The following PCLAF variants were observed in gnomAD, a reference collection of about 807,000 sequenced individuals.
The protein encoded by PCLAF is PCNA-associated factor.
Under a neutral mutation model 15.1 loss-of-function variants are expected in PCLAF, and 12 were observed. That is an observed-to-expected ratio of 0.79 (90% confidence interval 0.51 to 1.29). The LOEUF is 1.29. Ranked by LOEUF, PCLAF falls within the 50% of genes most tolerant of loss-of-function variation. PCLAF has a pLI of 0.00. For missense variants in PCLAF, 116 were observed against 130.9 expected (o/e 0.89, Z 0.56); for synonymous variants, 33 against 47.1 (o/e 0.70, Z 1.22).
At chr15:64,368,214 G>A (rs549037764) in intron 3 of PCLAF, among the ~76,000 whole-genome samples, 5 of 151,942 alleles carry the variant, frequency 3.3e-5, no homozygotes, top group South Asian at 2.1e-4. Context: ...GCATGGTGAC[G>A]CGTGCCTGTA....
intron 3 of PCLAF, among the ~76,000 whole-genome samples, chr15:64,375,459 G>T (rs1899570101): frequency 6.6e-6 from 1 of 152,054 alleles, no homozygotes; most frequent in South Asian, 2.1e-4. Context: ...CACCCATGCT[G>T]GAGTACAGTG....
chr15:64,364,566 C>T lies in PCLAF; in HGVS notation c.*1464G>A, dbSNP rs1049320893. On this transcript the variant is annotated 3_prime_UTR_variant, in exon 4 of 4. Transcript: ENST00000300035. ...ACTTTAAAATTATATTTTATGATAG[C>T]GAATCAAATGCAAATCCTAGGAAAA... 4 of 151,918 alleles carry T rather than the reference C, an allele frequency of 2.6e-5. No homozygotes were observed. Among genetic ancestry groups the T allele is most frequent in the South Asian group, 2.1e-4 (1 of 4,820 alleles). The allele number at this position is 151,918 out of a possible 1,614,324, so 9.4% of individuals were successfully genotyped here.
intron 3 of PCLAF, chr15:64,373,900 G>T: frequency 1.4e-6 from 1 of 725,480 alleles, no homozygotes; most frequent in Non-Finnish European, 2.0e-6. Context: ...TAGAAAGCCT[G>T]GACCTTATTA....
At chr15:64,368,524 TC>T (rs2140518451) in intron 3 of PCLAF, among the ~76,000 whole-genome samples, 1 of 152,064 alleles carries the variant, frequency 6.6e-6, no homozygotes, top group Non-Finnish European at 1.5e-5. Flanking sequence ...TTCTGACTCT[TC>T]CCCCACGCAA....
intron 2 of PCLAF, among the ~76,000 whole-genome samples, chr15:64,380,394 G>A (rs4777185): frequency 0.81 from 122,389 of 151,918 alleles, 50,297 homozygotes; most frequent in East Asian, 0.95. Flanking sequence ...AAAAAAGAAA[G>A]AGAAAGAAAA....
upstream of PCLAF, among the ~76,000 whole-genome samples, chr15:64,384,227 C>T (rs1566968568): frequency 6.6e-6 from 1 of 151,998 alleles, no homozygotes; most frequent in Non-Finnish European, 1.5e-5. Context: ...CTCTGTCTCC[C>T]GGTTCAAGCA....
chr15:64,369,291 G>A (rs929443758), intron 3 of PCLAF, among the ~76,000 whole-genome samples: 1 of 146,660 alleles, frequency 6.8e-6, no homozygotes, highest in African/African-American at 2.5e-5. Flanking sequence ...AGTACAAGAG[G>A]TCAAGGCTAC....
At chr15:64,381,570 C>T, upstream of PCLAF, 1 of 1,426,422 alleles carries the variant, frequency 7.0e-7, no homozygotes, top group Non-Finnish European at 9.2e-7. Context: ...CCAGTGGTGA[C>T]AGCGGCGAGG....
intron 1 of PCLAF, chr15:64,387,407 T>A (rs929731077): frequency 1.6e-5 from 17 of 1,078,758 alleles, no homozygotes; most frequent in Middle Eastern, 2.6e-4. Context: ...ATTAATTAAT[T>A]AATTAAAAAA....
In PCLAF at chr15:64,381,239, C is replaced by T. The variant is rs561818575; in HGVS notation, c.46+87G>A. The T allele has an allele frequency of 2.9e-4, 442 of 1,501,662 alleles. 2 individuals are homozygous for T. The highest frequency in any genetic ancestry group is 1.0e-5 in the Non-Finnish European group (11 of 1,078,204). The allele number at this position is 1,501,662 out of a possible 1,614,324, so 93.0% of individuals were successfully genotyped here. On this transcript the variant is annotated intron_variant, in intron 1 of 3. Coordinates refer to ENST00000300035, the MANE Select transcript of PCLAF (RefSeq NM_014736.6). ...AGCTAGATGAGTTTGGCGCACAGGG[C>T]CCAGGGGGACCTCTGGCGTCTGTCG...
At chr15:64,371,781 G>A (rs1369804410) in intron 3 of PCLAF, among the ~76,000 whole-genome samples, 2 of 151,824 alleles carry the variant, frequency 1.3e-5, no homozygotes, top group Non-Finnish European at 2.9e-5. Flanking sequence ...ATTTTTAGTA[G>A]AGACCGAGTT....
At chr15:64,377,805 G>A (rs1271113432) in intron 2 of PCLAF, among the ~76,000 whole-genome samples, 2 of 124,672 alleles carry the variant, frequency 1.6e-5, no homozygotes, top group Non-Finnish European at 3.2e-5. Flanking sequence ...AGGCTGGAGT[G>A]CAGTGGCGCA....
intron 1 of PCLAF, among the ~76,000 whole-genome samples, chr15:64,386,965 G>T (rs1292286114): frequency 6.9e-6 from 1 of 144,698 alleles, no homozygotes; most frequent in Non-Finnish European, 1.5e-5. Context: ...GCGGGGTAGG[G>T]AATTGCAGAC....
At chr15:64,375,282 G>A (rs1281635429) in intron 3 of PCLAF, among the ~76,000 whole-genome samples, 2 of 151,830 alleles carry the variant, frequency 1.3e-5, no homozygotes, top group African/African-American at 4.8e-5. Flanking sequence ...GTGCCACCAC[G>A]CCCGGCTAAT....
At chr15:64,370,499 C>G (rs1044349899) in intron 3 of PCLAF, among the ~76,000 whole-genome samples, 5 of 151,466 alleles carry the variant, frequency 3.3e-5, no homozygotes, top group African/African-American at 1.2e-4. Flanking sequence ...TCTGGAGTAG[C>G]AGGGATTATG....
intron 2 of PCLAF, among the ~76,000 whole-genome samples, chr15:64,380,213 T>G (rs1177102975): frequency 6.6e-6 from 1 of 151,842 alleles, no homozygotes; most frequent in African/African-American, 2.4e-5. Flanking sequence ...AAACCCCATC[T>G]CTACTAAAAA....
At position 64,366,003 on chromosome 15, in the gene PCLAF, CGTT is replaced by C. The variant is rs773944076; in HGVS notation, c.*24_*26del. The C allele has an allele frequency of 2.6e-6, 4 of 1,565,890 alleles. No individual in the cohort carries two copies. Among genetic ancestry groups the C allele is most frequent in the Non-Finnish European group, 3.5e-6 (4 of 1,139,076 alleles). On this transcript the variant is annotated 3_prime_UTR_variant, in exon 4 of 4. Transcript: ENST00000300035. ...TAGAATACCAGGGTAAACAAGGAGA[CGTT>C]ATTCAAAGATGAATGAGAAAGTTCT...
upstream of PCLAF, among the ~76,000 whole-genome samples, chr15:64,382,119 G>A (rs1034462856): frequency 1.3e-5 from 2 of 152,120 alleles, no homozygotes; most frequent in Non-Finnish European, 2.9e-5. Flanking sequence ...TGCCAGGAGC[G>A]GGGACTCATG....
chr15:64,372,123 T>C (rs931494536), intron 3 of PCLAF, among the ~76,000 whole-genome samples: 1 of 152,232 alleles, frequency 6.6e-6, no homozygotes, highest in Non-Finnish European at 1.5e-5. Context: ...TTAAAATTAC[T>C]TGAAGTCAAT....
Sources: gnomAD v4.1 joint callset for allele counts (sites outside exome capture counted in the v4.1 genomes callset) on GRCh38, gnomAD v4.1.1 for gene constraint, MANE v1.5 for transcripts, NCBI Gene and HGNC (gene_info 2026-07-23, HGNC 2026-07-21) for gene names.